The following DTNBP1 variants were observed in gnomAD, a reference collection of about 807,000 sequenced individuals.
DTNBP1 encodes the protein dysbindin.
A neutral mutation model predicts 42.8 loss-of-function variants in DTNBP1; 35 were observed. The ratio of observed to expected loss-of-function variants is 0.82; its 90% CI spans 0.63 to 1.09. The LOEUF (loss-of-function observed/expected upper bound fraction) is 1.09. DTNBP1 is among the 50% of genes least tolerant of loss of function. The pLI is 0.00. For synonymous variants in DTNBP1, 171 were observed against 162.2 expected, an observed-to-expected ratio of 1.05 and a Z score of -0.41; for missense variants, 457 against 424.2, an observed-to-expected ratio of 1.08 and a Z score of -0.68.
chr6:15,529,711 G>A (rs1000354857), intron 8 of DTNBP1, among the ~76,000 whole-genome samples: 46 of 152,364 alleles, frequency 3.0e-4, no homozygotes, highest in Admixed American at 9.1e-4. Context: ...GGACATCTCC[G>A]AGGTGATTTA....
At chr6:15,638,143 T>C (rs1008228432) in intron 3 of DTNBP1, among the ~76,000 whole-genome samples, 1 of 152,188 alleles carries the variant, frequency 6.6e-6, no homozygotes, top group Non-Finnish European at 1.5e-5. Flanking sequence ...ATTTTTTTTT[T>C]TTGAGATGGA....
chr6:15,652,260 C>T, intron 1 of DTNBP1, 120 bp from the exon 2 acceptor site: 1 of 711,006 alleles, frequency 1.4e-6, no homozygotes, highest in Non-Finnish European at 2.3e-6. Flanking sequence ...TTACTCACTG[C>T]AGCCTCAATC....
intron 7 of DTNBP1, among the ~76,000 whole-genome samples, chr6:15,584,431 T>C (rs1775971511): frequency 6.6e-6 from 1 of 152,072 alleles, no homozygotes; most frequent in Non-Finnish European, 1.5e-5. Flanking sequence ...GATAAGTTTT[T>C]TCCTGAACAC....
At chr6:15,551,769 C>T (rs1433701582) in intron 7 of DTNBP1, among the ~76,000 whole-genome samples, 4 of 152,168 alleles carry the variant, frequency 2.6e-5, no homozygotes, top group Admixed American at 6.5e-5. Context: ...AGTTGGCGCT[C>T]GGCAACAGTC....
chr6:15,640,641 A>G (rs1760289416), intron 3 of DTNBP1, among the ~76,000 whole-genome samples: 1 of 152,152 alleles, frequency 6.6e-6, no homozygotes, highest in Admixed American at 6.5e-5. Context: ...GTTGTACTAC[A>G]CTCTTTGAAA....
In DTNBP1 at chr6:15,603,100, AACAG is replaced by A. The variant is rs1362254294; in HGVS notation, c.489-10023_489-10020del. 2.6e-5 allele frequency among the ~76,000 whole-genome samples: 4 copies of A among 152,366 alleles called. No homozygotes were observed. The East Asian group carries it at 7.7e-4, about 29-fold the overall frequency. On this transcript the variant is annotated intron_variant, in intron 6 of 9. Transcript: ENST00000344537. ...CTGAAACTGCCAAGATTTATTCTCT[AACAG>A]ACACTTTAGAGCAAAAATTTTGTTA...
chr6:15,604,669 G>A (rs532313865), intron 6 of DTNBP1, among the ~76,000 whole-genome samples: 48 of 151,438 alleles, frequency 3.2e-4, no homozygotes, highest in Middle Eastern at 3.4e-3. Flanking sequence ...CTACAGATAC[G>A]CCATAATCTC....
chr6:15,650,814 T>C (rs934291990), intron 3 of DTNBP1, among the ~76,000 whole-genome samples: 1 of 152,234 alleles, frequency 6.6e-6, no homozygotes, highest in East Asian at 1.9e-4. Context: ...TTCTATGTTT[T>C]GTCACTCCAC....
At position 15,621,986 on chromosome 6, in the gene DTNBP1, A is replaced by C. The variant is rs76428974; in HGVS notation, c.355+5357T>G. ...ATCATCCAACCAGTTGTGTACTCTC[A>C]TATCTCTCAGGAATCAGTAAGGGCC... is the stretch of plus-strand genomic sequence containing the variant. On this transcript the variant is annotated intron_variant, in intron 5 of 9. Transcript: ENST00000344537. Among the ~76,000 whole-genome samples, 759 of 152,238 alleles carry C rather than the reference A, an allele frequency of 5.0e-3. 7 individuals are homozygous for C. The highest frequency in any genetic ancestry group is 0.017 in the African/African-American group (708 of 41,534).
chr6:15,581,443 G>T (rs1459447682), intron 7 of DTNBP1, among the ~76,000 whole-genome samples: 5 of 149,100 alleles, frequency 3.4e-5, no homozygotes, highest in African/African-American at 7.4e-5. Flanking sequence ...CTCTCAAAGC[G>T]CTGGGATTAC....
chr6:15,550,718 C>G (rs77929906), intron 7 of DTNBP1, among the ~76,000 whole-genome samples: 3,023 of 152,322 alleles, frequency 0.02, 44 homozygotes, highest in Non-Finnish European at 0.032. Flanking sequence ...GAATAGCTGT[C>G]TTGGTCCCCT....
At chr6:15,588,015 TGTCAACACAAA>T (rs1373608289) in intron 7 of DTNBP1, among the ~76,000 whole-genome samples, 8 of 152,178 alleles carry the variant, frequency 5.3e-5, no homozygotes, top group African/African-American at 1.9e-4. Flanking sequence ...TAAAAATGTA[TGTCAACACAAA>T]GACTTGCATA....
At chr6:15,595,809 C>G (rs940826544) in intron 6 of DTNBP1, among the ~76,000 whole-genome samples, 1 of 152,216 alleles carries the variant, frequency 6.6e-6, no homozygotes, top group Non-Finnish European at 1.5e-5. Flanking sequence ...AGCAATACTT[C>G]AGCAAGTACT....
intron 7 of DTNBP1, among the ~76,000 whole-genome samples, chr6:15,568,368 A>C (rs560299148): frequency 1.3e-5 from 2 of 152,316 alleles, no homozygotes; most frequent in South Asian, 4.1e-4. Context: ...GTTTCTTTGT[A>C]TCTTCATTTC....
chr6:15,623,619 T>A (rs1336224332), intron 5 of DTNBP1, among the ~76,000 whole-genome samples: 1 of 152,160 alleles, frequency 6.6e-6, no homozygotes, highest in South Asian at 2.1e-4. Context: ...AAGGGAACAG[T>A]CTTTTAAAAA....
In DTNBP1 at chr6:15,651,312, CCTG is replaced by C. The variant is rs1164405078; in HGVS notation, c.159_161del (p.Ser53del). ...CCTTCCTCTACAAATGAAACACTTACCTGCTAAGTAATTCTAATCCAGCAGAGT... is the reference window on the plus strand; with the variant it reads ...CCTTCCTCTACAAATGAAACACTTACCTAAGTAATTCTAATCCAGCAGAGT... On this transcript the variant is annotated inframe_deletion and splice_region_variant, in exon 3 of 10. Coordinates refer to ENST00000344537, the MANE Select transcript of DTNBP1 (RefSeq NM_032122.5). The C allele has an allele frequency of 1.2e-6, 2 of 1,611,176 alleles. No homozygotes were observed.
At chr6:15,620,468 G>A (rs1209196267) in intron 5 of DTNBP1, among the ~76,000 whole-genome samples, 1 of 152,170 alleles carries the variant, frequency 6.6e-6, no homozygotes, top group Non-Finnish European at 1.5e-5. Flanking sequence ...AATTACAGGT[G>A]TGAGCCACCC....
chr6:15,607,308 CTT>C (rs1019037901), intron 6 of DTNBP1, among the ~76,000 whole-genome samples: 4 of 150,022 alleles, frequency 2.7e-5, no homozygotes, highest in African/African-American at 9.9e-5. Flanking sequence ...CAAAATATTT[CTT>C]TGTTTTTTTG....
At position 15,555,941 on chromosome 6, in the gene DTNBP1, C is replaced by T. The variant is rs929489875; in HGVS notation, c.512-22546G>A. The stretch of plus-strand genomic sequence containing the variant: ...CCAGTAACATCTTCCTGGCAAACCA[C>T]CAAGGGACAACACTGGAGAAACCCC... On this transcript the variant is annotated intron_variant, in intron 7 of 9. Coordinates refer to ENST00000344537, the MANE Select transcript of DTNBP1 (RefSeq NM_032122.5). Among the ~76,000 whole-genome samples, 6 of 152,278 alleles carry T rather than the reference C, an allele frequency of 3.9e-5. No individual in the cohort carries two copies. The East Asian group carries it at 5.8e-4, about 15-fold the overall frequency.
Sources: gnomAD v4.1 joint callset for allele counts (sites outside exome capture counted in the v4.1 genomes callset) on GRCh38, gnomAD v4.1.1 for gene constraint, MANE v1.5 for transcripts, NCBI Gene and HGNC (gene_info 2026-07-23, HGNC 2026-07-21) for gene names.